Variants in FOXJ3 observed in about 807,000 individuals in gnomAD.
FOXJ3 encodes the protein forkhead box protein J3.
A neutral mutation model predicts 76.1 loss-of-function variants in FOXJ3; 22 were observed. That is an observed-to-expected ratio of 0.29 (90% CI 0.21 to 0.41). The LOEUF (loss-of-function observed/expected upper bound fraction) is 0.41. FOXJ3 is among the 10% of genes least tolerant of loss of function. The probability of loss-of-function intolerance (pLI) is 1.00; values close to 1 mark genes in which losing one functional copy is unlikely to be tolerated. For missense variants in FOXJ3, 613 were observed against 762.1 expected, an observed-to-expected ratio of 0.80 and a Z score of 2.30; for synonymous variants, 269 against 261.2, an observed-to-expected ratio of 1.03 and a Z score of -0.29.
At chr1:42,328,919 G>A (rs1356071012) in intron 1 of FOXJ3, among the ~76,000 whole-genome samples, 3 of 151,926 alleles carry the variant, frequency 2.0e-5, no homozygotes, top group Non-Finnish European at 2.9e-5. Flanking sequence ...CGCCTGCCTC[G>A]GCCTCCCAAG....
intron 6 of FOXJ3, among the ~76,000 whole-genome samples, chr1:42,200,611 T>G (rs1245674923): frequency 6.6e-6 from 1 of 152,146 alleles, no homozygotes; most frequent in Non-Finnish European, 1.5e-5. Flanking sequence ...CCAAAGTAGT[T>G]GGGATTACAG....
At chr1:42,183,090 C>T (rs1301814703) in intron 11 of FOXJ3, among the ~76,000 whole-genome samples, 2 of 150,320 alleles carry the variant, frequency 1.3e-5, no homozygotes, top group Non-Finnish European at 2.9e-5. Flanking sequence ...GACTGGCCAA[C>T]ACGGCAAAAC....
chr1:42,232,227 T>C (rs1648205816), intron 4 of FOXJ3, among the ~76,000 whole-genome samples: 1 of 149,378 alleles, frequency 6.7e-6, no homozygotes, highest in Non-Finnish European at 1.5e-5. Flanking sequence ...TTCCAAGTCC[T>C]TGCTATTGTG....
chr1:42,221,655 G>T (rs1647188622), intron 5 of FOXJ3, among the ~76,000 whole-genome samples: 1 of 151,502 alleles, frequency 6.6e-6, no homozygotes, highest in African/African-American at 2.4e-5. Flanking sequence ...GGAGAGGTGG[G>T]TCTTATCTTG....
At chr1:42,226,807 G>A (rs1647608693) in intron 5 of FOXJ3, among the ~76,000 whole-genome samples, 1 of 152,182 alleles carries the variant, frequency 6.6e-6, no homozygotes, top group African/African-American at 2.4e-5. Flanking sequence ...CATTGCTGCT[G>A]TACCTCATGA....
At chr1:42,332,240 C>A (rs1202235655) in intron 1 of FOXJ3, among the ~76,000 whole-genome samples, 2 of 152,134 alleles carry the variant, frequency 1.3e-5, no homozygotes, top group African/African-American at 4.8e-5. Flanking sequence ...TATACTACTA[C>A]CCTCCCAACA....
intron 1 of FOXJ3, among the ~76,000 whole-genome samples, chr1:42,314,161 C>T (rs1472486055): frequency 6.6e-6 from 1 of 152,208 alleles, no homozygotes; most frequent in Non-Finnish European, 1.5e-5. Context: ...GTAAACACTC[C>T]TGGCCTCTTA....
intron 5 of FOXJ3, among the ~76,000 whole-genome samples, chr1:42,217,240 T>C (rs1647088384): frequency 1.3e-5 from 2 of 152,184 alleles, no homozygotes; most frequent in Admixed American, 6.5e-5. Context: ...TTAAAAATAC[T>C]CTGCAATGGG....
intron 4 of FOXJ3, among the ~76,000 whole-genome samples, chr1:42,237,450 A>T (rs1219412575): frequency 6.8e-6 from 1 of 147,148 alleles, no homozygotes; most frequent in African/African-American, 2.5e-5. Flanking sequence ...ATATATATAT[A>T]CACATACATA....
At chr1:42,240,136 A>C (rs987400768) in intron 4 of FOXJ3, among the ~76,000 whole-genome samples, 6 of 152,174 alleles carry the variant, frequency 3.9e-5, no homozygotes, top group Admixed American at 6.5e-5. Flanking sequence ...TTTGATATAT[A>C]TTTTGCTTAA....
In FOXJ3 at chr1:42,185,964, C is replaced by G. The variant is rs116653285; in HGVS notation, c.1645+2773G>C. On this transcript the variant is annotated intron_variant, in intron 11 of 12. Transcript: ENST00000361346. ...AGAGACTATATTCTGGGACTCAAGACCTACACCTAAATGAATTTTACAACA... is the reference window on the plus strand; with the variant it reads ...AGAGACTATATTCTGGGACTCAAGAGCTACACCTAAATGAATTTTACAACA... Among the ~76,000 whole-genome samples the G allele has an allele frequency of 7.7e-3, 1,159 of 150,978 alleles. 12 individuals carry two copies. Among genetic ancestry groups the G allele is most frequent in the Non-Finnish European group, 0.012 (837 of 67,670 alleles).
intron 2 of FOXJ3, among the ~76,000 whole-genome samples, chr1:42,307,582 C>T (rs1340035958): frequency 6.6e-6 from 1 of 152,132 alleles, no homozygotes; most frequent in East Asian, 1.9e-4. Flanking sequence ...CCCTAGAGAA[C>T]CCTGAATGAT....
intron 7 of FOXJ3, among the ~76,000 whole-genome samples, chr1:42,197,367 G>T (rs956137885): frequency 6.6e-6 from 1 of 151,880 alleles, no homozygotes; most frequent in African/African-American, 2.4e-5. Flanking sequence ...AAGGGGGGGA[G>T]GTCTGATTTG....
At chr1:42,241,657 G>A (rs1334045437) in intron 4 of FOXJ3, among the ~76,000 whole-genome samples, 1 of 152,128 alleles carries the variant, frequency 6.6e-6, no homozygotes, top group East Asian at 1.9e-4. Flanking sequence ...ACACATCACA[G>A]CCACTGATAA....
chr1:42,186,855 C>T (rs757342343), intron 11 of FOXJ3, among the ~76,000 whole-genome samples: 5 of 152,116 alleles, frequency 3.3e-5, no homozygotes, highest in African/African-American at 4.8e-5. Context: ...CCTTCTTCTT[C>T]TTCTTCTTTT....
intron 7 of FOXJ3, among the ~76,000 whole-genome samples, chr1:42,198,040 T>C (rs1417717886): frequency 6.6e-6 from 1 of 152,124 alleles, no homozygotes; most frequent in Admixed American, 6.5e-5. Context: ...AACCTACAGA[T>C]ACGGAGGGCT....
At chr1:42,201,732 A>G (rs1461870184) in intron 6 of FOXJ3, among the ~76,000 whole-genome samples, 1 of 152,224 alleles carries the variant, frequency 6.6e-6, no homozygotes, top group Non-Finnish European at 1.5e-5. Context: ...ATGGTTTCAT[A>G]ATATAAATTG....
At chr1:42,278,787 G>A (rs1652480845) in intron 2 of FOXJ3, 115 bp from the exon 3 acceptor site, 1 of 704,286 alleles carries the variant, frequency 1.4e-6, no homozygotes, top group Non-Finnish European at 2.4e-6. Context: ...AGTTACATCT[G>A]GAGGAAAAAG....
intron 1 of FOXJ3, among the ~76,000 whole-genome samples, chr1:42,313,833 T>G (rs949926553): frequency 4.6e-5 from 7 of 152,192 alleles, no homozygotes; most frequent in Non-Finnish European, 8.8e-5. Context: ...CTAGACATAC[T>G]TCTTTACTGT....
Sources: gnomAD v4.1 joint callset for allele counts (sites outside exome capture counted in the v4.1 genomes callset) on GRCh38, gnomAD v4.1.1 for gene constraint, MANE v1.5 for transcripts, NCBI Gene and HGNC (gene_info 2026-07-23, HGNC 2026-07-21) for gene names.